Variants in SHROOM3 observed in about 807,000 individuals in gnomAD.
SHROOM3 encodes shroom family member 3.
A neutral mutation model predicts 138.6 loss-of-function variants in SHROOM3; 47 were observed. That is an observed-to-expected ratio of 0.34 (90% CI 0.27 to 0.43). The LOEUF (loss-of-function observed/expected upper bound fraction) is 0.43, where lower values mean the gene tolerates loss of function less well. SHROOM3 is among the 20% of genes least tolerant of loss of function. SHROOM3 has a pLI of 1.00. For missense variants in SHROOM3, 2,491 were observed against 2,596.5 expected (o/e 0.96, Z 0.88); for synonymous variants, 1,062 against 1,063.3 (o/e 1.00, Z 0.02).
intron 1 of SHROOM3, among the ~76,000 whole-genome samples, chr4:76,487,229 G>A (rs72657890): frequency 0.048 from 7,347 of 152,242 alleles, 207 homozygotes; most frequent in Middle Eastern, 0.075. Flanking sequence ...ACTTAACGTA[G>A]TGTTTTCAAG....
intron 2 of SHROOM3, among the ~76,000 whole-genome samples, chr4:76,678,400 A>G (rs1449695129): frequency 2.8e-4 from 42 of 152,258 alleles, no homozygotes; most frequent in Non-Finnish European, 5.9e-5. Flanking sequence ...AGGAACCCCA[A>G]TTAGTTTTAC....
At chr4:76,536,051 C>T (rs1486281556) in intron 1 of SHROOM3, among the ~76,000 whole-genome samples, 2 of 152,236 alleles carry the variant, frequency 1.3e-5, no homozygotes, top group African/African-American at 2.4e-5. Flanking sequence ...GGTTACAACT[C>T]ATCTTACAAG....
intron 5 of SHROOM3, among the ~76,000 whole-genome samples, chr4:76,746,102 A>C (rs1395495370): frequency 3.9e-5 from 6 of 152,220 alleles, no homozygotes; most frequent in African/African-American, 1.4e-4. Context: ...TGCCCAAGGT[A>C]GTAGAGTGAG....
At chr4:76,644,048 T>C (rs1735752784) in intron 2 of SHROOM3, among the ~76,000 whole-genome samples, 1 of 151,996 alleles carries the variant, frequency 6.6e-6, no homozygotes, top group South Asian at 2.1e-4. Flanking sequence ...TTCACCATGT[T>C]GGTCAGGCTG....
At chr4:76,511,136 C>A (rs1732326691) in intron 1 of SHROOM3, among the ~76,000 whole-genome samples, 1 of 151,624 alleles carries the variant, frequency 6.6e-6, no homozygotes, top group East Asian at 1.9e-4. Context: ...GAGCCAAGAT[C>A]ACGCCACTGC....
chr4:76,638,680 C>T (rs1249677303), intron 2 of SHROOM3, among the ~76,000 whole-genome samples: 3 of 152,310 alleles, frequency 2.0e-5, no homozygotes, highest in Admixed American at 1.3e-4. Flanking sequence ...TCCAGGAAGA[C>T]CATTCCTTTT....
intron 1 of SHROOM3, among the ~76,000 whole-genome samples, chr4:76,484,177 A>AT (rs1293757352): frequency 5.5e-4 from 83 of 151,594 alleles, no homozygotes; most frequent in Admixed American, 4.7e-3. Flanking sequence ...ATCCAGAATG[A>AT]TTTTTTTTTC....
intron 9 of SHROOM3, among the ~76,000 whole-genome samples, chr4:76,766,727 C>A (rs1327055642): frequency 2.0e-5 from 3 of 152,146 alleles, no homozygotes; most frequent in Non-Finnish European, 4.4e-5. Context: ...TTTCTCAAAT[C>A]CCTCTTAACT....
chr4:76,576,234 T>G (rs1733934285), intron 2 of SHROOM3, among the ~76,000 whole-genome samples: 2 of 152,130 alleles, frequency 1.3e-5, no homozygotes, highest in Admixed American at 1.3e-4. Context: ...ATAGCTAAGA[T>G]TTGGAAGCAA....
intron 2 of SHROOM3, among the ~76,000 whole-genome samples, chr4:76,623,082 A>C (rs892602781): frequency 6.6e-6 from 1 of 152,028 alleles, no homozygotes; most frequent in African/African-American, 2.4e-5. Flanking sequence ...TAGGGAAAAG[A>C]CCTCCTTATA....
chr4:76,596,315 G>A (rs1734383293), intron 2 of SHROOM3, among the ~76,000 whole-genome samples: 3 of 152,160 alleles, frequency 2.0e-5, no homozygotes, highest in Admixed American at 2.0e-4. Flanking sequence ...GGGAGTTAGA[G>A]GCAAGAGGAT....
At chr4:76,468,922 T>A (rs1158935147) in intron 1 of SHROOM3, among the ~76,000 whole-genome samples, 2 of 151,804 alleles carry the variant, frequency 1.3e-5, no homozygotes, top group Non-Finnish European at 2.9e-5. Flanking sequence ...TAGTCCCAGC[T>A]ACTCGGGAGG....
chr4:76,718,694 T>A (rs545066415), intron 3 of SHROOM3, among the ~76,000 whole-genome samples: 1 of 152,142 alleles, frequency 6.6e-6, no homozygotes, highest in South Asian at 2.1e-4. Flanking sequence ...GAGAATTCAG[T>A]TTGTTTGGTG....
chr4:76,615,449 C>T lies in SHROOM3; in HGVS notation c.323+59686C>T, dbSNP rs1208431026. ...CGAAACGTGGTGTGTTCAGAGGACCCGCTGGAGGAATGCAGCGTTGTGCCT... is the reference window on the plus strand; with the variant it reads ...CGAAACGTGGTGTGTTCAGAGGACCTGCTGGAGGAATGCAGCGTTGTGCCT... On this transcript the variant is annotated intron_variant, in intron 2 of 10. Coordinates refer to ENST00000296043, the MANE Select transcript of SHROOM3 (RefSeq NM_020859.4). Among the ~76,000 whole-genome samples the T allele has an allele frequency of 4.6e-5, 7 of 152,126 alleles. No individual in the cohort carries two copies. The South Asian group carries it at 6.2e-4, about 14-fold the overall frequency.
chr4:76,696,332 T>A (rs1420831130), intron 2 of SHROOM3, among the ~76,000 whole-genome samples: 2 of 152,218 alleles, frequency 1.3e-5, no homozygotes, highest in East Asian at 3.9e-4. Context: ...AAGCCCTTTG[T>A]GTCGGTTCCC....
intron 1 of SHROOM3, among the ~76,000 whole-genome samples, chr4:76,451,032 C>G (rs1450593755): frequency 6.6e-6 from 1 of 151,814 alleles, no homozygotes; most frequent in East Asian, 1.9e-4. Flanking sequence ...CTCACAGCAA[C>G]CTCTGCCCCT....
rs1370071885 is a variant in SHROOM3, at chr4:76,741,153, G to A, written c.2980G>A (p.Asp994Asn). The A allele has an allele frequency of 6.4e-7, 1 of 1,570,646 alleles. No homozygotes were observed. The highest frequency in any genetic ancestry group is 1.2e-5 in the South Asian group (1 of 86,070). ...ERHSVTPAEG[D>N]LARPVPPAAR... ...GCACAGCGTGACCCCTGCTGAGGGCGACCTGGCCAGGCCCGTGCCCCCTGC... is the reference window on the plus strand; with the variant it reads ...GCACAGCGTGACCCCTGCTGAGGGCAACCTGGCCAGGCCCGTGCCCCCTGC... Residue 994 changes from aspartate (D) to asparagine (N), a missense_variant, in exon 5 of 11, where the codon GAC (aspartate) becomes AAC (asparagine). Asp to Asn is a conservative substitution (Grantham distance 23). Coordinates refer to ENST00000296043, the MANE Select transcript of SHROOM3 (RefSeq NM_020859.4). This position sits in a 1 kb window ranked among gnomAD's most constrained non-coding sequence, Gnocchi z 6.2.
At chr4:76,457,559 T>A (rs1175177355) in intron 1 of SHROOM3, among the ~76,000 whole-genome samples, 1 of 151,602 alleles carries the variant, frequency 6.6e-6, no homozygotes, top group Non-Finnish European at 1.5e-5. Context: ...TGGCACTATC[T>A]CGACTCACTG....
At chr4:76,717,053 G>T (rs564945272) in intron 3 of SHROOM3, among the ~76,000 whole-genome samples, 1 of 152,260 alleles carries the variant, frequency 6.6e-6, no homozygotes, top group South Asian at 2.1e-4. Flanking sequence ...ACCTGAGAAA[G>T]ACTTTACTTC....
Sources: gnomAD v4.1 joint callset for allele counts (sites outside exome capture counted in the v4.1 genomes callset) on GRCh38, gnomAD v4.1.1 for gene constraint, Gnocchi (gnomAD v3.1) non-coding constraint, MANE v1.5 for transcripts, NCBI Gene and HGNC (gene_info 2026-07-23, HGNC 2026-07-21) for gene names.